Variants in SUMF1 observed in about 807,000 individuals in gnomAD.
The protein encoded by SUMF1 is formylglycine-generating enzyme.
A neutral mutation model predicts 47.6 loss-of-function variants in SUMF1; 48 were observed. That is an observed-to-expected ratio of 1.01 (90% CI 0.80 to 1.28). The LOEUF is 1.28. Ranked by LOEUF, SUMF1 falls within the 50% of genes most tolerant of loss-of-function variation. SUMF1 has a pLI of 0.00. For missense variants in SUMF1, 571 were observed against 485.4 expected (o/e 1.18, Z -1.66); for synonymous variants, 230 against 192.1 (o/e 1.20, Z -1.63).
intron 7 of SUMF1, among the ~76,000 whole-genome samples, chr3:4,397,675 C>A (rs1297919304): frequency 2.0e-5 from 3 of 152,030 alleles, no homozygotes; most frequent in Non-Finnish European, 2.9e-5. Context: ...GATTAGATGC[C>A]ATGTTTACTT....
At chr3:4,233,558 C>T (rs1055307269) in intron 8 of SUMF1, among the ~76,000 whole-genome samples, 1 of 152,032 alleles carries the variant, frequency 6.6e-6, no homozygotes. Flanking sequence ...CAAAAGGCTT[C>T]CCTGTTATAC....
chr3:4,104,036 T>A (rs1461335983), intron 8 of SUMF1, among the ~76,000 whole-genome samples: 1 of 152,170 alleles, frequency 6.6e-6, no homozygotes, highest in Non-Finnish European at 1.5e-5. Context: ...GAGACCATGC[T>A]GGAAATTTTC....
In SUMF1 at chr3:4,267,272, A is replaced by C. The variant is rs1018574107; in HGVS notation, c.1014+109058T>G. Among the ~76,000 whole-genome samples the C allele has an allele frequency of 1.7e-3, 255 of 152,054 alleles. 2 individuals carry two copies. Among genetic ancestry groups the C allele is most frequent in the African/African-American group, 6.0e-3 (250 of 41,470 alleles). On this transcript the variant is annotated intron_variant and NMD_transcript_variant, in intron 8 of 12. Coordinates refer to the SUMF1 transcript ENST00000448413. ...GTTAGGGAGGTTTCCCTCTTTTTCT[A>C]TTGATTGGAGTAGTTTCAGAAGGAA...
chr3:4,104,816 C>G (rs2125064621), intron 8 of SUMF1, among the ~76,000 whole-genome samples: 1 of 152,094 alleles, frequency 6.6e-6, no homozygotes, highest in African/African-American at 2.4e-5. Flanking sequence ...GCTTCTTTTT[C>G]TATGCTCAAA....
At chr3:4,310,775 C>CA (rs896304631) in intron 8 of SUMF1, among the ~76,000 whole-genome samples, 16 of 147,178 alleles carry the variant, frequency 1.1e-4, no homozygotes, top group South Asian at 4.3e-4. Flanking sequence ...TTATCCATGT[C>CA]AAAAAAAAAA....
intron 7 of SUMF1, among the ~76,000 whole-genome samples, chr3:4,377,094 C>A (rs964257798): frequency 3.3e-5 from 5 of 152,132 alleles, no homozygotes; most frequent in Non-Finnish European, 7.3e-5. Flanking sequence ...CAACACCATG[C>A]CAAGCCAGAA....
chr3:4,421,523 AGGCTGGAGAACAGTGGCACGGTCAT>A (rs1701897118), intron 3 of SUMF1, among the ~76,000 whole-genome samples: 2 of 152,148 alleles, frequency 1.3e-5, no homozygotes, highest in Non-Finnish European at 2.9e-5. Flanking sequence ...CCTGTCCCCT[AGGCTGGAGAACAGTGGCACGGTCAT>A]GGCTCACTGC....
intron 8 of SUMF1, among the ~76,000 whole-genome samples, chr3:4,349,802 G>A (rs956197961): frequency 1.3e-5 from 2 of 152,198 alleles, no homozygotes; most frequent in Middle Eastern, 3.4e-3. Flanking sequence ...CATCCACACA[G>A]AGAGGGGAAC....
In SUMF1 at chr3:4,457,058, GTA is replaced by G. The variant is rs373828142; in HGVS notation, c.271-4011_271-4010del. On this transcript the variant is annotated intron_variant, in intron 1 of 8. Coordinates refer to ENST00000272902, the MANE Select transcript of SUMF1 (RefSeq NM_182760.4). ...TGTGTGTATATATATATACGTGTGT[GTA>G]TATATATATATATACGTGTGTGTAT... is the stretch of plus-strand genomic sequence containing the variant. 1.2e-3 allele frequency among the ~76,000 whole-genome samples: 103 copies of G among 85,986 alleles called. 3 individuals carry two copies. The highest frequency in any genetic ancestry group is 2.8e-3 in the Admixed American group (23 of 8,180). The allele number at this position is 85,986 out of a possible 152,430, so 56.4% of individuals were successfully genotyped here. A position where few individuals can be genotyped will look rare whatever the true frequency, so the allele number is the denominator to read the frequency against.
chr3:4,199,268 TTC>T (rs144562105), intron 8 of SUMF1, among the ~76,000 whole-genome samples: 4,298 of 152,300 alleles, frequency 0.028, 89 homozygotes, highest in African/African-American at 0.05. Context: ...TGTGTATTGC[TTC>T]TTTCACTTTT....
In SUMF1 at chr3:4,418,123, A is replaced by G. The variant is rs750535470; in HGVS notation, c.612T>C (p.His204=). The G allele has an allele frequency of 1.9e-6, 3 of 1,613,902 alleles. No homozygotes were observed. Among genetic ancestry groups the G allele is most frequent in the Non-Finnish European group, 2.5e-6 (3 of 1,180,014 alleles). ...CATTCCAGGACACATGGAGAACTGG[A>G]TGATCCGGCCTGGGGAAGAGCAAAA... The part of the protein sequence containing the change: ...PDSTILHRPD[H]PVLHVSWNDA... Residue 204 remains histidine, a synonymous_variant, in exon 5 of 9, where the codon CAT becomes CAC. Coordinates refer to ENST00000272902, the MANE Select transcript of SUMF1 (RefSeq NM_182760.4).
chr3:4,055,613 A>T (rs1361562413), intron 9 of SUMF1, among the ~76,000 whole-genome samples: 1 of 152,094 alleles, frequency 6.6e-6, no homozygotes, highest in Non-Finnish European at 1.5e-5. Context: ...CTCCTGAGTA[A>T]CTGGGACTAC....
At chr3:4,162,102 T>C (rs916363839) in intron 8 of SUMF1, among the ~76,000 whole-genome samples, 3 of 152,056 alleles carry the variant, frequency 2.0e-5, no homozygotes, top group Non-Finnish European at 4.4e-5. Flanking sequence ...AGCAATATCA[T>C]TTGAGAGCTA....
intron 1 of SUMF1, among the ~76,000 whole-genome samples, chr3:4,464,788 C>T (rs774726244): frequency 6.6e-6 from 1 of 152,176 alleles, no homozygotes; most frequent in Non-Finnish European, 1.5e-5. Flanking sequence ...GATAACAAGA[C>T]TGCTTCAGTT....
intron 4 of SUMF1, among the ~76,000 whole-genome samples, chr3:4,419,763 T>C (rs1273256952): frequency 6.6e-6 from 1 of 152,126 alleles, no homozygotes; most frequent in Non-Finnish European, 1.5e-5. Context: ...AGATTAAACA[T>C]GTCATGAGGT....
At chr3:4,120,780 A>T (rs1203856364) in intron 8 of SUMF1, among the ~76,000 whole-genome samples, 2 of 152,130 alleles carry the variant, frequency 1.3e-5, no homozygotes, top group African/African-American at 2.4e-5. Context: ...AAGACCCCCA[A>T]CTTGAGGTGT....
At chr3:4,159,631 T>C (rs1475456581) in intron 8 of SUMF1, among the ~76,000 whole-genome samples, 1 of 152,140 alleles carries the variant, frequency 6.6e-6, no homozygotes, top group East Asian at 1.9e-4. Context: ...TACTTACTAC[T>C]ACCAGTAAGG....
chr3:4,340,323 A>C (rs1699244969), intron 8 of SUMF1, among the ~76,000 whole-genome samples: 1 of 152,024 alleles, frequency 6.6e-6, no homozygotes, highest in African/African-American at 2.4e-5. Flanking sequence ...GACCATTCAC[A>C]TTGTGCTTAC....
intron 8 of SUMF1, among the ~76,000 whole-genome samples, chr3:4,260,928 C>T (rs73117604): frequency 8.9e-4 from 136 of 152,160 alleles, no homozygotes; most frequent in African/African-American, 3.2e-3. Flanking sequence ...TGCAGACCTC[C>T]CAGGAAGCCC....
Sources: gnomAD v4.1 joint callset for allele counts (sites outside exome capture counted in the v4.1 genomes callset) on GRCh38, gnomAD v4.1.1 for gene constraint, MANE v1.5 for transcripts, NCBI Gene and HGNC (gene_info 2026-07-23, HGNC 2026-07-21) for gene names.